Variants in TIMM10 observed in about 807,000 individuals in gnomAD.
The protein encoded by TIMM10 is translocase of inner mitochondrial membrane 10.
A neutral mutation model predicts 9.1 loss-of-function variants in TIMM10; 13 were observed. That is an observed-to-expected ratio of 1.42 (90% CI 0.93 to 2.26). The LOEUF (loss-of-function observed/expected upper bound fraction) is 2.26. Among genes scored for constraint, TIMM10 ranks in the 30% most tolerant of loss-of-function variants. The pLI is 0.00. For synonymous variants in TIMM10, 40 were observed against 42.1 expected (o/e 0.95, Z 0.20); for missense variants, 82 against 113.6 (o/e 0.72, Z 1.26).
chr11:57,529,285 G>A (rs1944777716), intron 2 of TIMM10, among the ~76,000 whole-genome samples: 2 of 152,230 alleles, frequency 1.3e-5, no homozygotes, highest in South Asian at 4.1e-4. Context: ...ACAGAGCTGG[G>A]TTATGAAGCC....
intron 1 of TIMM10, 87 bp from the exon 2 acceptor site, chr11:57,530,321 G>T: frequency 4.7e-6 from 4 of 842,136 alleles, no homozygotes; most frequent in Non-Finnish European, 7.6e-6. Context: ...CTCACAGGGC[G>T]CCAGACCACC....
In TIMM10 at chr11:57,528,677, AG is replaced by A. The variant is rs751754790; in HGVS notation, c.*39del. On this transcript the variant is annotated 3_prime_UTR_variant, in exon 3 of 3. Coordinates refer to ENST00000257245, the MANE Select transcript of TIMM10 (RefSeq NM_012456.3). The stretch of plus-strand genomic sequence containing the variant: ...AGGGAGCACGTTTATTAAAGTGGGA[AG>A]GGGTGGGGTACACCCCAGGGTGTAT... 8 of 1,597,096 alleles carry A rather than the reference AG, an allele frequency of 5.0e-6. No homozygotes were observed.
intron 1 of TIMM10, 98 bp downstream of exon 1, chr11:57,530,560 G>A (rs1944789467): frequency 4.3e-6 from 1 of 230,166 alleles, no homozygotes; most frequent in Non-Finnish European, 9.0e-6. Flanking sequence ...ATCATACGCT[G>A]AACAGAGGCG....
Position 57,528,730 on chromosome 11 carries a change from G to C in TIMM10, c.260C>G (p.Ser87Cys). 6.2e-7 allele frequency: 1 copy of C among 1,613,840 alleles called. No homozygotes were observed. Among genetic ancestry groups the C allele is most frequent in the Non-Finnish European group, 8.5e-7 (1 of 1,180,002 alleles). Residue 87 changes from serine (S) to cysteine (C), a missense_variant, in exon 3 of 3, where the codon TCT becomes TGT. Transcript: ENST00000257245. Reference protein sequence around the residue: ...EELMKRVQQSSGPA With the variant: ...EELMKRVQQSCGPA ...CTGACAGGGACCTCATGCAGGCCCA[G>C]AGCTCTGCTGCACCCTCTTCATCAG...
Position 57,530,742 on chromosome 11 carries a change from A to G in TIMM10, c.-130T>C, listed in dbSNP as rs929823042. On this transcript the variant is annotated 5_prime_UTR_variant, in exon 1 of 3. Transcript: ENST00000257245. Reference sequence around the variant, plus strand: ...CGTTACCCGCCTCCCGAGAGGCTCCAGCGGAAGCACGTGGGTTACTTCCGG... The same window carrying G: ...CGTTACCCGCCTCCCGAGAGGCTCCGGCGGAAGCACGTGGGTTACTTCCGG... 7.2e-5 allele frequency: 11 copies of G among 152,614 alleles called. No individual in the cohort carries two copies. The highest frequency in any genetic ancestry group is 1.4e-4 in the African/African-American group (6 of 41,452). The allele number at this position is 152,614 out of a possible 1,614,324, so 9.5% of individuals were successfully genotyped here. A position where few individuals can be genotyped will look rare whatever the true frequency, so the allele number is the denominator to read the frequency against.
Position 57,528,653 on chromosome 11 carries a change from G to A in TIMM10, c.*64C>T, listed in dbSNP as rs1212895245. On this transcript the variant is annotated 3_prime_UTR_variant, in exon 3 of 3. Transcript: ENST00000257245. ...CAGTCTTCACAGATGACACCCAACA[G>A]GGAGCACGTTTATTAAAGTGGGAAG... 8 of 1,553,948 alleles carry A rather than the reference G, an allele frequency of 5.1e-6. No homozygotes were observed. Among genetic ancestry groups the A allele is most frequent in the Non-Finnish European group, 7.1e-6 (8 of 1,130,406 alleles).
chr11:57,530,221 C>T lies in TIMM10; in HGVS notation c.-32G>A, dbSNP rs373548313. 9.2e-4 allele frequency: 1,488 copies of T among 1,611,200 alleles called. 3 individuals are homozygous for T. The highest frequency in any genetic ancestry group is 1.1e-3 in the Non-Finnish European group (1,311 of 1,177,834). ...CTAGCACCGTGGAAGGGATCTCCTT[C>T]TGGCCTCCTAATCCTGGGAGCAGAC... On this transcript the variant is annotated 5_prime_UTR_variant, in exon 2 of 3. Transcript: ENST00000257245.
chr11:57,528,526 T>A lies in TIMM10; in HGVS notation c.*191A>T. On this transcript the variant is annotated 3_prime_UTR_variant, in exon 3 of 3. Transcript: ENST00000257245. ...ATATATATATATATATACACATACA[T>A]ACACACACAGTCACATTCCAGTGTG... The A allele has an allele frequency of 6.6e-6, 3 of 454,704 alleles. No individual in the cohort carries two copies. The highest frequency in any genetic ancestry group is 1.2e-5 in the Non-Finnish European group (3 of 247,820). 28.2% of individuals were successfully genotyped at this position (454,704 alleles called of 1,614,324 possible).
rs1245912228 is a variant in TIMM10, at chr11:57,528,920, T to TGGAG, written c.72-6_72-3dup. 1 of 1,612,680 alleles carries TGGAG rather than the reference T, an allele frequency of 6.2e-7. No homozygotes were observed. The highest frequency in any genetic ancestry group is 8.5e-7 in the Non-Finnish European group (1 of 1,179,994). On this transcript the variant is annotated splice_polypyrimidine_tract_variant and splice_region_variant and intron_variant, in intron 2 of 2. Transcript: ENST00000257245. ...TTCCGGTGGCAGGCACTGGTCATTCTGGAGGGAGGGAGGGGCAAGGTCATG... is the reference window on the plus strand; with the variant it reads ...TTCCGGTGGCAGGCACTGGTCATTCTGGAGGGAGGGAGGGAGGGGCAAGGTCATG...
Position 57,528,596 on chromosome 11 carries a change from T to C in TIMM10, c.*121A>G, listed in dbSNP as rs1944771812. The C allele has an allele frequency of 2.2e-6, 2 of 923,140 alleles. No homozygotes were observed. Among genetic ancestry groups the C allele is most frequent in the Non-Finnish European group, 3.3e-6 (2 of 601,118 alleles). 57.2% of individuals were successfully genotyped at this position (923,140 alleles called of 1,614,324 possible). On this transcript the variant is annotated 3_prime_UTR_variant, in exon 3 of 3. Transcript: ENST00000257245. The stretch of plus-strand genomic sequence containing the variant: ...GAGACAGCGCTACCACTCCGGGATC[T>C]TGAAGACTCTCTACAGAGAGCCTAG...
chr11:57,529,950 C>T (rs1002452804), intron 2 of TIMM10, among the ~76,000 whole-genome samples, 169 bp downstream of exon 2: 1 of 152,122 alleles, frequency 6.6e-6, no homozygotes, highest in African/African-American at 2.4e-5. Context: ...TTCTAGTGAC[C>T]CTTTACTGCA....
At chr11:57,530,289 TG>T in intron 1 of TIMM10, 55 bp from the exon 2 acceptor site, 1 of 1,260,122 alleles carries the variant, frequency 7.9e-7, no homozygotes, top group South Asian at 1.2e-5. Context: ...CTCCTACCCC[TG>T]GGGCTAGAGG....
chr11:57,528,715 C>G lies in TIMM10; in HGVS notation c.*2G>C. On this transcript the variant is annotated 3_prime_UTR_variant, in exon 3 of 3. Coordinates refer to ENST00000257245, the MANE Select transcript of TIMM10 (RefSeq NM_012456.3). ...ACCCCAGGGTGTATACTGACAGGGA[C>G]CTCATGCAGGCCCAGAGCTCTGCTG... is the stretch of plus-strand genomic sequence containing the variant. 6.2e-7 allele frequency: 1 copy of G among 1,613,444 alleles called. No individual in the cohort carries two copies. The highest frequency in any genetic ancestry group is 8.5e-7 in the Non-Finnish European group (1 of 1,179,962).
Position 57,530,112 on chromosome 11 carries a change from T to C in TIMM10, c.71+7A>G. 2 of 1,614,066 alleles carry C rather than the reference T, an allele frequency of 1.2e-6. No individual in the cohort carries two copies. Among genetic ancestry groups the C allele is most frequent in the South Asian group, 2.2e-5 (2 of 91,084 alleles). ...TCCAAGACAGGGTAGCACATAGTTC[T>C]CTTTACCTGTTGTACATATCGGCCA... is the stretch of plus-strand genomic sequence containing the variant. On this transcript the variant is annotated splice_region_variant and intron_variant, in intron 2 of 2. Coordinates refer to ENST00000257245, the MANE Select transcript of TIMM10 (RefSeq NM_012456.3).
chr11:57,530,438 C>A, intron 1 of TIMM10: 1 of 514,020 alleles, frequency 1.9e-6, no homozygotes. Flanking sequence ...GGAAATCGAG[C>A]CCCGGATCTC....
At chr11:57,528,988 G>T in intron 2 of TIMM10, 70 bp from the exon 3 acceptor site, 1 of 1,514,248 alleles carries the variant, frequency 6.6e-7, no homozygotes. Flanking sequence ...GACCATTCCA[G>T]CCCTGCTATA....
At chr11:57,529,798 A>C (rs17453436) in intron 2 of TIMM10, among the ~76,000 whole-genome samples, 16,150 of 152,266 alleles carry the variant, frequency 0.11, 912 homozygotes, top group Middle Eastern at 0.23. Context: ...AATGTTAACT[A>C]CTAAATGGGC....
At chr11:57,530,384 C>G in intron 1 of TIMM10, 150 bp from the exon 2 acceptor site, 1 of 572,316 alleles carries the variant, frequency 1.7e-6, no homozygotes, top group Non-Finnish European at 3.1e-6. Flanking sequence ...GATGTGGAAA[C>G]TGAGGCCTAG....
chr11:57,528,697 G>A lies in TIMM10; in HGVS notation c.*20C>T. 6.2e-7 allele frequency: 1 copy of A among 1,612,280 alleles called. No individual in the cohort carries two copies. The highest frequency in any genetic ancestry group is 1.1e-5 in the South Asian group (1 of 90,974). ...TGGGAAGGGGTGGGGTACACCCCAG[G>A]GTGTATACTGACAGGGACCTCATGC... On this transcript the variant is annotated 3_prime_UTR_variant, in exon 3 of 3. Coordinates refer to ENST00000257245, the MANE Select transcript of TIMM10 (RefSeq NM_012456.3).
Sources: allele counts gnomAD v4.1 joint callset (sites outside exome capture counted in the v4.1 genomes callset), GRCh38; gene constraint gnomAD v4.1.1; transcripts MANE v1.5; gene names NCBI Gene and HGNC (gene_info 2026-07-23, HGNC 2026-07-21).